The following TEX2 variants were observed in gnomAD, a reference collection of about 807,000 sequenced individuals.
The protein encoded by TEX2 is testis-expressed protein 2.
Under a neutral mutation model 106.9 loss-of-function variants are expected in TEX2, and 53 were observed. That is an observed-to-expected ratio of 0.50 (90% CI 0.40 to 0.62). The LOEUF (loss-of-function observed/expected upper bound fraction) is 0.62. Among genes scored for constraint, TEX2 ranks in the 20% least tolerant of loss-of-function variants. The pLI is 0.00. For synonymous variants in TEX2, 523 were observed against 534.8 expected (o/e 0.98, Z 0.30); for missense variants, 1,207 against 1,379.0 (o/e 0.88, Z 1.98).
At chr17:64,181,579 G>A (rs556467802) in intron 5 of TEX2, among the ~76,000 whole-genome samples, 7 of 151,388 alleles carry the variant, frequency 4.6e-5, no homozygotes, top group African/African-American at 7.3e-5. Flanking sequence ...GTGCAGTGGC[G>A]CGATCTCGAC....
intron 1 of TEX2, among the ~76,000 whole-genome samples, chr17:64,234,547 A>G (rs2033726630): frequency 6.6e-6 from 1 of 152,330 alleles, no homozygotes; most frequent in South Asian, 2.1e-4. Flanking sequence ...ATCATCCTCC[A>G]TGGCGCAGCT....
chr17:64,153,207 GAC>G lies in TEX2; in HGVS notation c.2931-55_2931-54del. On this transcript the variant is annotated intron_variant, in intron 9 of 11. Coordinates refer to ENST00000584379, the MANE Select transcript of TEX2 (RefSeq NM_001288732.2). The surrounding 1 kb of genome is among the most constrained non-coding windows in gnomAD (Gnocchi z 4.1). ...TAGCACAAACTTTGCTCTTTTCACA[GAC>G]AAAAACCTGTGGCTCTTCGTTCCCC... 1 of 1,280,740 alleles carries G rather than the reference GAC, an allele frequency of 7.8e-7. No homozygotes were observed. Among genetic ancestry groups the G allele is most frequent in the Non-Finnish European group, 1.1e-6 (1 of 897,016 alleles). 79.3% of individuals were successfully genotyped at this position (1,280,740 alleles called of 1,614,324 possible).
intron 1 of TEX2, chr17:64,230,624 G>A (rs2033636424): frequency 6.6e-6 from 1 of 152,226 alleles, no homozygotes; most frequent in Admixed American, 6.5e-5. Context: ...GAGGCCATGA[G>A]GCAGCAGAGG....
intron 7 of TEX2, among the ~76,000 whole-genome samples, chr17:64,164,163 C>A (rs2031016009): frequency 6.6e-6 from 1 of 152,124 alleles, no homozygotes; most frequent in Non-Finnish European, 1.5e-5. Context: ...TCAGGCTGGG[C>A]ACAGTGTCTC....
intron 8 of TEX2, among the ~76,000 whole-genome samples, chr17:64,159,076 G>A (rs1266150925): frequency 6.6e-6 from 1 of 152,010 alleles, no homozygotes. Context: ...CCCTCTGATC[G>A]GCCAGAGTTT....
rs767419573 is a variant in TEX2, at chr17:64,171,128, C to T, written c.2643G>A (p.Gln881=). 30 of 1,613,968 alleles carry T rather than the reference C, an allele frequency of 1.9e-5. No individual in the cohort carries two copies. The highest frequency in any genetic ancestry group is 2.5e-5 in the Non-Finnish European group (29 of 1,179,990). Residue 881 remains glutamine (Q), a synonymous_variant, in exon 7 of 12, where the codon CAG becomes CAA. Coordinates refer to ENST00000584379, the MANE Select transcript of TEX2 (RefSeq NM_001288732.2). ...GGTGATCAACGTAAGGCTTGAAGGCCTGGAGGATTTTTGGCACAGCCACGC... is the reference window on the plus strand; with the variant it reads ...GGTGATCAACGTAAGGCTTGAAGGCTTGGAGGATTTTTGGCACAGCCACGC... ...DMGVAVPKIL[Q]AFKPYVDHQG...
rs116498210 is a variant in TEX2 at position 64,215,749 on chromosome 17, C to T, written c.-25-1507G>A. ...TATCCAACCCAACACAATACGCTTA[C>T]AAGTAATCTACCACAATCGACATTA... is the stretch of plus-strand genomic sequence containing the variant. On this transcript the variant is annotated intron_variant, in intron 1 of 11. Coordinates refer to ENST00000584379, the MANE Select transcript of TEX2 (RefSeq NM_001288732.2). Among the ~76,000 whole-genome samples, 800 of 152,288 alleles carry T rather than the reference C, an allele frequency of 5.3e-3. 11 individuals carry two copies. Among genetic ancestry groups the T allele is most frequent in the African/African-American group, 0.018 (739 of 41,566 alleles).
At chr17:64,196,816 AG>A (rs1555629361) in intron 2 of TEX2, among the ~76,000 whole-genome samples, 1 of 152,098 alleles carries the variant, frequency 6.6e-6, no homozygotes, top group East Asian at 1.9e-4. Flanking sequence ...CTCAGGATTA[AG>A]GATGTATGAG....
In TEX2 at chr17:64,219,535, A is replaced by C. The variant is rs1394084489; in HGVS notation, c.-25-5293T>G. ...AATAAAATAAAATAAAATAAAATAA[A>C]ATAAAATAAAATAAAATATCTAAAG... is the stretch of plus-strand genomic sequence containing the variant. On this transcript the variant is annotated intron_variant, in intron 1 of 11. Coordinates refer to ENST00000584379, the MANE Select transcript of TEX2 (RefSeq NM_001288732.2). Among the ~76,000 whole-genome samples the C allele has an allele frequency of 1.3e-3, 190 of 149,848 alleles. 1 individual carries two copies. The highest frequency in any genetic ancestry group is 4.3e-3 in the African/African-American group (173 of 40,388).
At chr17:64,225,223 G>C (rs1202124498) in intron 1 of TEX2, among the ~76,000 whole-genome samples, 3 of 152,090 alleles carry the variant, frequency 2.0e-5, no homozygotes, top group African/African-American at 7.2e-5. Flanking sequence ...AAGCCGAGGC[G>C]GGAGGAATGC....
At chr17:64,218,206 A>T (rs781904311) in intron 1 of TEX2, among the ~76,000 whole-genome samples, 1 of 152,204 alleles carries the variant, frequency 6.6e-6, no homozygotes, top group African/African-American at 2.4e-5. Context: ...AGACTGTGGC[A>T]CTGCACCCCA....
chr17:64,213,991 T>C lies in TEX2; in HGVS notation c.227A>G (p.Tyr76Cys), dbSNP rs782601792. ...GTCATGGCCAACTTGGGGTTCAAGATAGAGGTCTTCCTTGGCTTCCAGCCC... is the reference window on the plus strand; with the variant it reads ...GTCATGGCCAACTTGGGGTTCAAGACAGAGGTCTTCCTTGGCTTCCAGCCC... ...VTGLEAKEDLYLEPQVGHDPA... is the reference protein window; with the variant it reads ...VTGLEAKEDLCLEPQVGHDPA... The change falls in exon 2 of 12, where the codon TAT becomes TGT. Residue 76 changes from tyrosine (Y) to cysteine (C), a missense_variant. Transcript: ENST00000584379. The surrounding 1 kb of genome is among the most constrained non-coding windows in gnomAD (Gnocchi z 4.4). 3 of 1,614,184 alleles carry C rather than the reference T, an allele frequency of 1.9e-6. No homozygotes were observed. Among genetic ancestry groups the C allele is most frequent in the Non-Finnish European group, 2.5e-6 (3 of 1,180,036 alleles).
chr17:64,163,271 T>G (rs148066588), intron 7 of TEX2, among the ~76,000 whole-genome samples: 206 of 151,810 alleles, frequency 1.4e-3, no homozygotes, highest in African/African-American at 4.8e-3. Context: ...ACCACAGGGG[T>G]CCGCCACCAT....
chr17:64,258,645 A>G (rs2143526912), intron 1 of TEX2, among the ~76,000 whole-genome samples: 1 of 152,210 alleles, frequency 6.6e-6, no homozygotes, highest in East Asian at 1.9e-4. Context: ...GAATACAATC[A>G]TTTTCTTTCA....
chr17:64,193,441 G>C, intron 4 of TEX2, 118 bp downstream of exon 4: 2 of 801,688 alleles, frequency 2.5e-6, no homozygotes, highest in Non-Finnish European at 3.7e-6. Flanking sequence ...TTAGGTGGCA[G>C]ACAACCATCA....
Position 64,213,210 on chromosome 17 carries a change from C to G in TEX2, c.1008G>C (p.Gly336=). ...SELSNLSSLN[G]HLESNNNYSI... is the part of the protein sequence containing the mutation. ...TGTAGTTGTTATTGCTTTCCAAGTG[C>G]CCATTCAAGCTGGACAGATTGGAGA... Residue 336 remains glycine (G), a synonymous_variant, in exon 2 of 12, where the codon GGG becomes GGC. Coordinates refer to ENST00000584379, the MANE Select transcript of TEX2 (RefSeq NM_001288732.2). This position sits in a 1 kb window ranked among gnomAD's most constrained non-coding sequence, Gnocchi z 4.4. 6.2e-7 allele frequency: 1 copy of G among 1,614,178 alleles called. No homozygotes were observed.
At chr17:64,194,164 A>T (rs2032389710) in intron 3 of TEX2, among the ~76,000 whole-genome samples, 1 of 152,214 alleles carries the variant, frequency 6.6e-6, no homozygotes, top group Admixed American at 6.5e-5. Context: ...CACAATAATA[A>T]TGTTTAGCTG....
chr17:64,199,273 G>GCC (rs2032580223), intron 2 of TEX2, among the ~76,000 whole-genome samples: 1 of 152,176 alleles, frequency 6.6e-6, no homozygotes, highest in Non-Finnish European at 1.5e-5. Flanking sequence ...GTCTCGCTCT[G>GCC]TTGCCCAGGC....
intron 1 of TEX2, among the ~76,000 whole-genome samples, chr17:64,219,995 A>C (rs2033313319): frequency 6.6e-6 from 1 of 152,220 alleles, no homozygotes; most frequent in African/African-American, 2.4e-5. Flanking sequence ...CCCTTAAAAG[A>C]TATGAGGAAG....
Sources: gnomAD v4.1 joint callset for allele counts (sites outside exome capture counted in the v4.1 genomes callset) on GRCh38, gnomAD v4.1.1 for gene constraint, Gnocchi (gnomAD v3.1) non-coding constraint, MANE v1.5 for transcripts, NCBI Gene and HGNC (gene_info 2026-07-23, HGNC 2026-07-21) for gene names.